CTSD: variants seen among roughly 807,000 people sequenced by gnomAD.
CTSD encodes the protein ceroid-lipofuscinosis, neuronal 10.
CTSD carries 28 observed loss-of-function variants against 43.6 expected under a neutral mutation model. The observed-to-expected ratio is 0.64, with a 90% CI of 0.48 to 0.88. The LOEUF (loss-of-function observed/expected upper bound fraction) is 0.88. Ranked by LOEUF, CTSD falls within the 40% of genes least tolerant of loss-of-function variation. The probability of loss-of-function intolerance (pLI) is 0.00; values close to 1 mark genes in which losing one functional copy is unlikely to be tolerated. For synonymous variants in CTSD, 270 were observed against 249.8 expected (o/e 1.08, Z -0.76); for missense variants, 485 against 555.2 (o/e 0.87, Z 1.27).
At chr11:1,757,732 C>T (rs898463564) in intron 4 of CTSD, among the ~76,000 whole-genome samples, 176 bp from the exon 5 acceptor site, 9 of 152,196 alleles carry the variant, frequency 5.9e-5, no homozygotes, top group South Asian at 4.1e-4. Context: ...GATGGGGACA[C>T]GGGGTATGGC....
chr11:1,761,185 C>T (rs1845871171), intron 2 of CTSD, 124 bp downstream of exon 2: 2 of 1,064,134 alleles, frequency 1.9e-6, no homozygotes, highest in Non-Finnish European at 2.9e-6. Context: ...CGGGACGCCA[C>T]CGTGGCCAGG....
rs775568134 is a variant in CTSD at position 1,761,468 on chromosome 11, C to A, written c.69G>T (p.Arg23Ser). The change falls in exon 2 of 9, where the codon AGG becomes AGT. Residue 23 changes from arginine (R) to serine (S), a missense_variant and splice_region_variant. By Grantham distance (110) the Arg-to-Ser change is moderately radical. Transcript: ENST00000236671. ...LLAAPASALV[R>S]IPLHKFTSIR... ...TGGACGTGAACTTGTGCAGCGGGAT[C>A]CTGTCAACCACGGGTCGGGGCATAT... 1 of 1,613,818 alleles carries A rather than the reference C, an allele frequency of 6.2e-7. No homozygotes were observed. The highest frequency in any genetic ancestry group is 1.1e-5 in the South Asian group (1 of 91,078).
chr11:1,753,654 T>C lies in CTSD; in HGVS notation c.1088A>G (p.Lys363Arg), dbSNP rs973091177. The C allele has an allele frequency of 1.9e-6, 3 of 1,612,758 alleles. No individual in the cohort carries two copies. The highest frequency in any genetic ancestry group is 2.5e-6 in the Non-Finnish European group (3 of 1,179,852). ...DYTLKVSQAG[K>R]TLCLSGFMGM... ...CATGAAGCCGCTCAGGCAGAGGGTCTTCCCGGCCTGCGACACCTGGGACGG... is the reference window on the plus strand; with the variant it reads ...CATGAAGCCGCTCAGGCAGAGGGTCCTCCCGGCCTGCGACACCTGGGACGG... The change falls in exon 9 of 9, where the codon AAG becomes AGG. Residue 363 changes from lysine to arginine, a missense_variant. Lys to Arg is a conservative substitution (Grantham distance 26). Transcript: ENST00000236671.
intron 7 of CTSD, 26 bp downstream of exon 7, chr11:1,753,968 C>T: frequency 1.2e-6 from 2 of 1,605,794 alleles, no homozygotes; most frequent in Non-Finnish European, 1.7e-6. Context: ...CCAGCCCCAG[C>T]CCCAGCCCCA....
In CTSD at chr11:1,753,350, A is replaced by G. The variant is rs1845750707; in HGVS notation, c.*153T>C. ...AGGGAGGGGAAAACCACAGAACAAA[A>G]CAGCAAGTCGGGCTTGGGCCGCCGG... On this transcript the variant is annotated 3_prime_UTR_variant, in exon 9 of 9. Coordinates refer to ENST00000236671, the MANE Select transcript of CTSD (RefSeq NM_001909.5). 2.4e-6 allele frequency: 2 copies of G among 842,354 alleles called. No individual in the cohort carries two copies. The highest frequency in any genetic ancestry group is 1.7e-5 in the African/African-American group (1 of 59,736). 52.2% of individuals were successfully genotyped at this position (842,354 alleles called of 1,614,324 possible). A position where few individuals can be genotyped will look rare whatever the true frequency, so the allele number is the denominator to read the frequency against.
intron 1 of CTSD, 42 bp downstream of exon 1, chr11:1,763,750 C>A: frequency 6.7e-7 from 1 of 1,500,904 alleles, no homozygotes; most frequent in Non-Finnish European, 8.9e-7. Flanking sequence ...CTCGGCGCCG[C>A]GACCCCTGCC....
chr11:1,761,560 G>A, intron 1 of CTSD, 92 bp from the exon 2 acceptor site: 1 of 1,421,732 alleles, frequency 7.0e-7, no homozygotes, highest in Non-Finnish European at 9.8e-7. Flanking sequence ...GGCCCCTGGG[G>A]AATCTCAGAG....
Position 1,753,898 on chromosome 11 carries a change from T to C in CTSD, c.976A>G (p.Met326Val), listed in dbSNP as rs1425884068. 1 of 1,613,288 alleles carries C rather than the reference T, an allele frequency of 6.2e-7. No homozygotes were observed. The change falls in exon 8 of 9, where the codon ATG (methionine) becomes GTG (valine). Residue 326 changes from methionine (M) to valine (V), a missense_variant. Transcript: ENST00000236671. ...GTGGACACCTTCTCACAGGGGATCA[T>C]GTACTAAGAGGGGTCACAGCAGTGT... ...GAVPLIQGEY[M>V]IPCEKVSTLP...
Position 1,757,567 on chromosome 11 carries a change from G to C in CTSD, c.472-11C>G, listed in dbSNP as rs753302848. 8.1e-6 allele frequency: 13 copies of C among 1,601,594 alleles called. No homozygotes were observed. Among genetic ancestry groups the C allele is most frequent in the African/African-American group, 1.3e-5 (1 of 74,782 alleles). On this transcript the variant is annotated splice_polypyrimidine_tract_variant and intron_variant, in intron 4 of 8. Transcript: ENST00000236671. ...TGACTGGCAGGGCACCTGCAGGCCA[G>C]GGCAGAGTCAGTGGGCAGCAGACAG...
In CTSD at chr11:1,757,486, TC is replaced by T; in HGVS notation, c.541del (p.Glu181ArgfsTer38). ...GGTGATGCCTGGCTGCTTGGTGGCC[TC>T]CCCAAAGACCTGCCTCTCCACTTTG... ...GVKVERQVFGEATKQPGITFI... is the reference protein window; with the variant it reads ...GVKVERQVFGXATKQPGITFI... On this transcript the variant is annotated frameshift_variant, in exon 5 of 9. Coordinates refer to ENST00000236671, the MANE Select transcript of CTSD (RefSeq NM_001909.5). LOFTEE classifies it high-confidence loss of function. The T allele has an allele frequency of 6.2e-7, 1 of 1,613,456 alleles. No individual in the cohort carries two copies. Among genetic ancestry groups the T allele is most frequent in the Non-Finnish European group, 8.5e-7 (1 of 1,179,942 alleles).
rs796052403 is a variant in CTSD, at chr11:1,763,808, C to T, written c.52G>A (p.Ala18Thr). 3.1e-5 allele frequency: 47 copies of T among 1,525,966 alleles called. No homozygotes were observed. Among genetic ancestry groups the T allele is most frequent in the Non-Finnish European group, 3.9e-5 (45 of 1,142,766 alleles). The allele number at this position is 1,525,966 out of a possible 1,614,324, so 94.5% of individuals were successfully genotyped here. Residue 18 changes from alanine to threonine, a missense_variant, in exon 1 of 9, where the codon GCC becomes ACC. By Grantham distance (58) the Ala-to-Thr change is moderately conservative. Transcript: ENST00000236671. ...PLALCLLAAP[A>T]SALVRIPLHK... Reference sequence around the variant, plus strand: ...AGGCTTCACCTGACGAGCGCGGAGGCGGGTGCAGCCAGCAGGCAGAGGGCG... The same window carrying T: ...AGGCTTCACCTGACGAGCGCGGAGGTGGGTGCAGCCAGCAGGCAGAGGGCG...
At chr11:1,759,458 T>G (rs1446741068) in intron 3 of CTSD, 58 bp downstream of exon 3, 1 of 1,608,692 alleles carries the variant, frequency 6.2e-7, no homozygotes, top group Non-Finnish European at 8.5e-7. Context: ...GAGGCAGCCC[T>G]GCAGCGACAT....
At position 1,757,482 on chromosome 11, in the gene CTSD, G is replaced by A. The variant is rs1158922265; in HGVS notation, c.546C>T (p.Ala182=). 6.2e-7 allele frequency: 1 copy of A among 1,613,840 alleles called. No individual in the cohort carries two copies. The change falls in exon 5 of 9, where the codon GCC becomes GCT. Residue 182 remains alanine (A), a synonymous_variant. Coordinates refer to ENST00000236671, the MANE Select transcript of CTSD (RefSeq NM_001909.5). ...VKVERQVFGE[A]TKQPGITFIA... is the part of the protein sequence containing the mutation. ...TGAAGGTGATGCCTGGCTGCTTGGT[G>A]GCCTCCCCAAAGACCTGCCTCTCCA...
At chr11:1,756,758 T>C (rs934894016) in intron 5 of CTSD, among the ~76,000 whole-genome samples, 1 of 152,134 alleles carries the variant, frequency 6.6e-6, no homozygotes, top group Non-Finnish European at 1.5e-5. Context: ...GTGGGGGCCC[T>C]GGGGGAGAAC....
chr11:1,753,340 A>G lies in CTSD; in HGVS notation c.*163T>C, dbSNP rs1352390046. 1 of 785,352 alleles carries G rather than the reference A, an allele frequency of 1.3e-6. No individual in the cohort carries two copies. The highest frequency in any genetic ancestry group is 2.6e-5 in the East Asian group (1 of 38,416). The allele number at this position is 785,352 out of a possible 1,614,324, so 48.6% of individuals were successfully genotyped here. Reference sequence around the variant, plus strand: ...TTCTGAACCCAGGGAGGGGAAAACCACAGAACAAAACAGCAAGTCGGGCTT... The same window carrying G: ...TTCTGAACCCAGGGAGGGGAAAACCGCAGAACAAAACAGCAAGTCGGGCTT... On this transcript the variant is annotated 3_prime_UTR_variant, in exon 9 of 9. Coordinates refer to ENST00000236671, the MANE Select transcript of CTSD (RefSeq NM_001909.5).
intron 3 of CTSD, 84 bp from the exon 4 acceptor site, chr11:1,759,171 A>C: frequency 1.8e-6 from 2 of 1,112,812 alleles, no homozygotes; most frequent in South Asian, 2.5e-5. Flanking sequence ...ACAATCTACC[A>C]TGGAGCCCGC....
In CTSD at chr11:1,759,654, G is replaced by A; in HGVS notation, c.229-15C>T. The A allele has an allele frequency of 6.2e-7, 1 of 1,608,498 alleles. No individual in the cohort carries two copies. The highest frequency in any genetic ancestry group is 8.5e-7 in the Non-Finnish European group (1 of 1,176,612). On this transcript the variant is annotated splice_polypyrimidine_tract_variant and intron_variant, in intron 2 of 8. Coordinates refer to ENST00000236671, the MANE Select transcript of CTSD (RefSeq NM_001909.5). ...TAGTACTGGGCCTGGCAGGGGACAG[G>A]GTCCGTCAGGGATGGGAGAGGGGGC...
chr11:1,755,244 G>A (rs753131056), intron 5 of CTSD: 4 of 622,216 alleles, frequency 6.4e-6, no homozygotes, highest in Non-Finnish European at 1.2e-5. Flanking sequence ...GCCTGGCCCA[G>A]AAGAGGTTTT....
At chr11:1,758,711 T>C (rs1220269800) in intron 4 of CTSD, among the ~76,000 whole-genome samples, 3 of 152,152 alleles carry the variant, frequency 2.0e-5, no homozygotes, top group South Asian at 2.1e-4. Context: ...CGATCTGCCC[T>C]GTCCTCCCTC....
Sources: allele counts gnomAD v4.1 joint callset (sites outside exome capture counted in the v4.1 genomes callset), GRCh38; gene constraint gnomAD v4.1.1; transcripts MANE v1.5; gene names NCBI Gene and HGNC (gene_info 2026-07-23, HGNC 2026-07-21).